Variants in SCAF8 observed in about 807,000 individuals in gnomAD.
SCAF8 encodes SR-related CTD associated factor 8, also known as SR-related and CTD-associated factor 8.
In SCAF8, 23 loss-of-function variants were observed where a neutral mutation model predicts 140.5. The observed-to-expected ratio is 0.16, with a 90% CI of 0.12 to 0.23. The LOEUF (loss-of-function observed/expected upper bound fraction) is 0.23, where lower values mean the gene tolerates loss of function less well. Among genes scored for constraint, SCAF8 ranks in the 10% least tolerant of loss-of-function variants. The pLI is 1.00. For synonymous variants in SCAF8, 575 were observed against 528.9 expected (o/e 1.09, Z -1.20); for missense variants, 1,397 against 1,555.7 (o/e 0.90, Z 1.72).
At chr6:154,797,471 C>G (rs1040838155) in intron 6 of SCAF8, among the ~76,000 whole-genome samples, 3 of 151,416 alleles carry the variant, frequency 2.0e-5, no homozygotes, top group Admixed American at 6.6e-5. Flanking sequence ...TCTTGGCTCA[C>G]TGCAACCTCT....
chr6:154,748,980 C>T (rs1456478842), intron 1 of SCAF8, among the ~76,000 whole-genome samples: 2 of 152,134 alleles, frequency 1.3e-5, no homozygotes, highest in South Asian at 2.1e-4. Context: ...TTTTCTCTGT[C>T]GCCCAGGCTG....
At chr6:154,815,005 A>G (rs897996584) in intron 12 of SCAF8, among the ~76,000 whole-genome samples, 9 of 152,190 alleles carry the variant, frequency 5.9e-5, no homozygotes, top group Admixed American at 5.2e-4. Context: ...AAGACGCTTA[A>G]AAGGTTCACA....
At chr6:154,745,377 TA>T (rs1298159342) in intron 1 of SCAF8, among the ~76,000 whole-genome samples, 1 of 152,076 alleles carries the variant, frequency 6.6e-6, no homozygotes, top group Non-Finnish European at 1.5e-5. Context: ...TTTTGTTTAT[TA>T]TTTTTTTTTA....
chr6:154,790,984 C>T (rs1235953752), intron 4 of SCAF8, among the ~76,000 whole-genome samples: 1 of 152,158 alleles, frequency 6.6e-6, no homozygotes, highest in Non-Finnish European at 1.5e-5. Context: ...CATAATCACT[C>T]TGCTTTTATT....
chr6:154,736,203 G>C lies in SCAF8; in HGVS notation c.30+2273G>C, dbSNP rs969208912. ...CCTCTTCCCCACACACACTTTGTTG[G>C]GTGTCTGTCTTTGGGGGGGTTCCTA... On this transcript the variant is annotated intron_variant, in intron 1 of 19. Coordinates refer to ENST00000367178, the MANE Select transcript of SCAF8 (RefSeq NM_014892.5). 3.3e-5 allele frequency among the ~76,000 whole-genome samples: 5 copies of C among 151,408 alleles called. 1 individual carries two copies. Among genetic ancestry groups the C allele is most frequent in the African/African-American group, 4.9e-5 (2 of 41,082 alleles).
At chr6:154,778,737 C>T (rs1776987896) in intron 3 of SCAF8, among the ~76,000 whole-genome samples, 1 of 150,524 alleles carries the variant, frequency 6.6e-6, no homozygotes, top group South Asian at 2.1e-4. Flanking sequence ...GCACTCCAGC[C>T]TGGGGAACAG....
intron 5 of SCAF8, 76 bp from the exon 6 acceptor site, chr6:154,794,933 C>A: frequency 1.6e-5 from 21 of 1,310,558 alleles, no homozygotes; most frequent in South Asian, 1.2e-4. Flanking sequence ...AGTAATAAAA[C>A]AAGTTATTCT....
chr6:154,781,119 A>G (rs906718249), intron 3 of SCAF8, among the ~76,000 whole-genome samples: 1 of 152,150 alleles, frequency 6.6e-6, no homozygotes, highest in Non-Finnish European at 1.5e-5. Flanking sequence ...CCTTAAACTG[A>G]TAAGCAACCT....
At chr6:154,798,757 C>T (rs1268195163) in intron 6 of SCAF8, among the ~76,000 whole-genome samples, 2 of 151,270 alleles carry the variant, frequency 1.3e-5, no homozygotes, top group Non-Finnish European at 3.0e-5. Context: ...GCTCAGAATC[C>T]TCCAGTGGCT....
At chr6:154,799,797 A>G (rs941817712) in intron 6 of SCAF8, among the ~76,000 whole-genome samples, 1 of 150,532 alleles carries the variant, frequency 6.6e-6, no homozygotes, top group Non-Finnish European at 1.5e-5. Flanking sequence ...TTATTTATTT[A>G]TTTAGAGACA....
At chr6:154,756,884 T>G (rs1486665312) in intron 1 of SCAF8, among the ~76,000 whole-genome samples, 1 of 152,040 alleles carries the variant, frequency 6.6e-6, no homozygotes, top group Non-Finnish European at 1.5e-5. Context: ...AAAAATTAGC[T>G]GGACATGTTG....
At chr6:154,812,656 A>G (rs535639020) in intron 12 of SCAF8, among the ~76,000 whole-genome samples, 6 of 152,306 alleles carry the variant, frequency 3.9e-5, no homozygotes, top group African/African-American at 1.4e-4. Flanking sequence ...GGTCTTTAGC[A>G]TGGATTTTAG....
chr6:154,797,555 C>G (rs893726199), intron 6 of SCAF8, among the ~76,000 whole-genome samples: 8 of 151,254 alleles, frequency 5.3e-5, no homozygotes, highest in Non-Finnish European at 1.2e-4. Context: ...GCCACCATGC[C>G]CAGCTGATTT....
chr6:154,749,973 T>G lies in SCAF8; in HGVS notation c.30+16043T>G, dbSNP rs547529591. Among the ~76,000 whole-genome samples the G allele has an allele frequency of 5.9e-5, 9 of 151,966 alleles. No homozygotes were observed. The East Asian group carries it at 1.6e-3, about 26-fold the overall frequency. On this transcript the variant is annotated intron_variant, in intron 1 of 19. Transcript: ENST00000367178. ...AGGAAGGGATGACTGCAGTAGAAGT[T>G]TAGTAATAATAGGGAGCTGGATATG...
At position 154,770,189 on chromosome 6, in the gene SCAF8, C is replaced by G. The variant is rs555244037; in HGVS notation, c.31-3800C>G. On this transcript the variant is annotated intron_variant, in intron 1 of 19. Coordinates refer to ENST00000367178, the MANE Select transcript of SCAF8 (RefSeq NM_014892.5). ...GTAGGCTGGGTGTGGTGGCTCACAC[C>G]TGTAATCTCAGCAGGGAGATGTGGG... Among the ~76,000 whole-genome samples the G allele has an allele frequency of 9.2e-5, 14 of 152,138 alleles. No individual in the cohort carries two copies. The East Asian group carries it at 2.5e-3, about 27-fold the overall frequency.
At chr6:154,830,586 T>G (rs1207806660) in intron 18 of SCAF8, among the ~76,000 whole-genome samples, 1 of 152,222 alleles carries the variant, frequency 6.6e-6, no homozygotes, top group African/African-American at 2.4e-5. Flanking sequence ...CAGTCTGCAC[T>G]AGTCATTTCT....
At chr6:154,771,555 G>T (rs546923844) in intron 1 of SCAF8, among the ~76,000 whole-genome samples, 4 of 152,310 alleles carry the variant, frequency 2.6e-5, no homozygotes, top group African/African-American at 9.6e-5. Context: ...TTTAAGGGGG[G>T]TGGGTAGTAG....
At chr6:154,815,844 GT>G (rs1210984139) in intron 13 of SCAF8, 28 bp downstream of exon 13, 1 of 1,467,026 alleles carries the variant, frequency 6.8e-7, no homozygotes, top group Admixed American at 1.7e-5. Context: ...ATAATTTAAG[GT>G]TTTAAAAAAG....
intron 1 of SCAF8, among the ~76,000 whole-genome samples, chr6:154,736,209 T>G (rs1179660093): frequency 6.6e-6 from 1 of 151,414 alleles, no homozygotes; most frequent in East Asian, 1.9e-4. Context: ...GTTGGGTGTC[T>G]GTCTTTGGGG....
Sources: gnomAD v4.1 joint callset for allele counts (sites outside exome capture counted in the v4.1 genomes callset) on GRCh38, gnomAD v4.1.1 for gene constraint, MANE v1.5 for transcripts, NCBI Gene and HGNC (gene_info 2026-07-23, HGNC 2026-07-21) for gene names.